The following FAT3 variants were observed in gnomAD, a reference collection of about 807,000 sequenced individuals.
The protein encoded by FAT3 is protocadherin Fat 3.
In FAT3, 95 loss-of-function variants were observed where a neutral mutation model predicts 310.2. That is an observed-to-expected ratio of 0.31 (90% CI 0.26 to 0.36). FAT3 has a LOEUF of 0.36. FAT3 is among the 10% of genes least tolerant of loss of function. The pLI, the probability that FAT3 is intolerant of heterozygous loss-of-function variation, is 1.00. For synonymous variants in FAT3, 2,314 were observed against 2,192.9 expected, an observed-to-expected ratio of 1.06 and a Z score of -1.54; for missense variants, 5,408 against 5,715.6, an observed-to-expected ratio of 0.95 and a Z score of 1.74.
intron 4 of FAT3, among the ~76,000 whole-genome samples, chr11:92,759,477 G>A (rs1236574452): frequency 6.6e-6 from 1 of 152,174 alleles, no homozygotes; most frequent in African/African-American, 2.4e-5. Context: ...GGTCTGTGGG[G>A]TCAGAGAAGG....
intron 19 of FAT3, among the ~76,000 whole-genome samples, chr11:92,852,920 A>T (rs1363248051): frequency 2.0e-5 from 3 of 152,112 alleles, no homozygotes; most frequent in Non-Finnish European, 4.4e-5. Context: ...AAAACAGGAG[A>T]TATGGGTAAG....
At chr11:92,684,062 G>A (rs1372511340) in intron 3 of FAT3, among the ~76,000 whole-genome samples, 1 of 152,176 alleles carries the variant, frequency 6.6e-6, no homozygotes, top group Non-Finnish European at 1.5e-5. Flanking sequence ...ACACAGAGCT[G>A]TGAATGGTTT....
chr11:92,262,942 A>G (rs1451978045), intron 1 of FAT3, among the ~76,000 whole-genome samples: 1 of 151,576 alleles, frequency 6.6e-6, no homozygotes, highest in African/African-American at 2.4e-5. Flanking sequence ...AAATGTAGGT[A>G]TTTCTCTTTA....
At chr11:92,567,703 G>T (rs1565418972) in intron 3 of FAT3, among the ~76,000 whole-genome samples, 2 of 152,032 alleles carry the variant, frequency 1.3e-5, no homozygotes, top group Admixed American at 1.3e-4. Context: ...ATACTATGCA[G>T]CCATAAAAAA....
At chr11:92,247,859 C>T (rs865828642) in intron 1 of FAT3, among the ~76,000 whole-genome samples, 1 of 151,696 alleles carries the variant, frequency 6.6e-6, no homozygotes, top group Non-Finnish European at 1.5e-5. Context: ...GTTGCAGCTA[C>T]TCAGTAGGCT....
intron 1 of FAT3, among the ~76,000 whole-genome samples, chr11:92,227,534 C>T (rs1305979915): frequency 3.3e-5 from 5 of 152,062 alleles, no homozygotes; most frequent in African/African-American, 7.2e-5. Context: ...TCAAACAGAG[C>T]CCAGATTTCT....
chr11:92,843,687 T>G (rs1353832884), intron 18 of FAT3, among the ~76,000 whole-genome samples: 1 of 152,198 alleles, frequency 6.6e-6, no homozygotes, highest in Non-Finnish European at 1.5e-5. Context: ...CCTTCTCTCT[T>G]CACCCCAGCC....
intron 23 of FAT3, among the ~76,000 whole-genome samples, chr11:92,881,344 G>C (rs1450408557): frequency 6.6e-6 from 1 of 152,052 alleles, no homozygotes; most frequent in Non-Finnish European, 1.5e-5. Flanking sequence ...TTAAATATTT[G>C]CCAAAAGGAA....
chr11:92,264,783 C>T lies in FAT3; in HGVS notation c.-18+39609C>T, dbSNP rs76502406. 0.01 allele frequency among the ~76,000 whole-genome samples: 1,561 copies of T among 152,158 alleles called. 77 individuals carry two copies. The East Asian group carries it at 0.16, about 15-fold the overall frequency. ...TGGAGGTCCCAGAACTCGGCTTGGC[C>T]GTACCTGGGCTTCACTGACATCTTT... On this transcript the variant is annotated intron_variant, in intron 1 of 27. Coordinates refer to ENST00000525166, the MANE Select transcript of FAT3 (RefSeq NM_001367949.2).
At chr11:92,754,168 C>G (rs528584146) in intron 4 of FAT3, among the ~76,000 whole-genome samples, 1 of 152,018 alleles carries the variant, frequency 6.6e-6, no homozygotes, top group Non-Finnish European at 1.5e-5. Flanking sequence ...AAAATAAAGA[C>G]AATATTTTCC....
Position 92,512,875 on chromosome 11 carries a change from C to A in FAT3, c.3293-11759C>A, listed in dbSNP as rs1329162846. 1.2e-3 allele frequency among the ~76,000 whole-genome samples: 48 copies of A among 41,468 alleles called. 10 individuals are homozygous for A. Among genetic ancestry groups the A allele is most frequent in the African/African-American group, 6.6e-3 (48 of 7,308 alleles). The allele number at this position is 41,468 out of a possible 152,430, so 27.2% of individuals were successfully genotyped here. On this transcript the variant is annotated intron_variant, in intron 2 of 27. Coordinates refer to ENST00000525166, the MANE Select transcript of FAT3 (RefSeq NM_001367949.2). ...CGGTGGCTCACGCCTGTAATCCCAG[C>A]ACTTTGGGAGGCCGAGGCGGGCGGA... is the stretch of plus-strand genomic sequence containing the variant.
chr11:92,428,138 C>G (rs1225082374), intron 2 of FAT3, among the ~76,000 whole-genome samples: 1 of 151,650 alleles, frequency 6.6e-6, no homozygotes, highest in Non-Finnish European at 1.5e-5. Flanking sequence ...TACATTTCTT[C>G]TAGATTTTCT....
intron 4 of FAT3, among the ~76,000 whole-genome samples, chr11:92,724,106 G>A: frequency 6.6e-6 from 1 of 152,168 alleles, no homozygotes; most frequent in East Asian, 1.9e-4. Context: ...GGGTTGTGTT[G>A]TTCTTGTCTG....
chr11:92,793,016 A>G, intron 9 of FAT3, 39 bp downstream of exon 9: 1 of 1,584,958 alleles, frequency 6.3e-7, no homozygotes, highest in Non-Finnish European at 8.6e-7. Context: ...AGCATAATGC[A>G]AGGCATTCGA....
intron 3 of FAT3, among the ~76,000 whole-genome samples, chr11:92,575,759 CT>C (rs1009740794): frequency 4.6e-5 from 7 of 151,662 alleles, no homozygotes; most frequent in African/African-American, 7.3e-5. Context: ...GAGAGGGGGT[CT>C]TTTTTTTGTT....
intron 1 of FAT3, among the ~76,000 whole-genome samples, chr11:92,234,300 A>G (rs1249778396): frequency 6.6e-6 from 1 of 152,238 alleles, no homozygotes; most frequent in African/African-American, 2.4e-5. Context: ...CATATTGGAA[A>G]TACGTTTTTG....
intron 3 of FAT3, among the ~76,000 whole-genome samples, chr11:92,635,096 C>T (rs1941713590): frequency 6.6e-6 from 1 of 152,182 alleles, no homozygotes; most frequent in Admixed American, 6.5e-5. Context: ...TTTAGACTAT[C>T]CAGTCTGTGG....
intron 4 of FAT3, among the ~76,000 whole-genome samples, chr11:92,760,219 C>A (rs780923044): frequency 6.6e-6 from 1 of 152,170 alleles, no homozygotes; most frequent in Admixed American, 6.5e-5. Flanking sequence ...TCAAAGAAAG[C>A]GAGAACTTGT....
chr11:92,474,613 A>G (rs528406405), intron 2 of FAT3, among the ~76,000 whole-genome samples: 1 of 152,272 alleles, frequency 6.6e-6, no homozygotes, highest in East Asian at 1.9e-4. Flanking sequence ...TGAGGATCTC[A>G]ATGAGAACAG....
Sources: gnomAD v4.1 joint callset for allele counts (sites outside exome capture counted in the v4.1 genomes callset) on GRCh38, gnomAD v4.1.1 for gene constraint, MANE v1.5 for transcripts, NCBI Gene and HGNC (gene_info 2026-07-23, HGNC 2026-07-21) for gene names.